Variants in AKAP12 observed in about 807,000 individuals in gnomAD.
AKAP12 encodes the protein A-kinase anchoring protein 12, also known as A-kinase anchor protein 12.
In AKAP12, 32 loss-of-function variants were observed where a neutral mutation model predicts 79.9. The ratio of observed to expected loss-of-function variants is 0.40; its 90% CI spans 0.30 to 0.54. AKAP12 has a LOEUF of 0.54. Ranked by LOEUF, AKAP12 falls within the 20% of genes least tolerant of loss-of-function variation. The pLI is 0.48. For missense variants in AKAP12, 2,074 were observed against 2,177.0 expected (o/e 0.95, Z 0.94); for synonymous variants, 808 against 857.0 (o/e 0.94, Z 1.00).
At chr6:151,337,508 T>A (rs1777845456) in intron 3 of AKAP12, among the ~76,000 whole-genome samples, 1 of 60,456 alleles carries the variant, frequency 1.7e-5, no homozygotes, top group African/African-American at 2.2e-4. Context: ...AGAGTTTCCG[T>A]CTCGAAAAAA....
chr6:151,268,502 A>C (rs1416620655), intron 2 of AKAP12, among the ~76,000 whole-genome samples: 1 of 152,234 alleles, frequency 6.6e-6, no homozygotes. Flanking sequence ...CAGCTATATA[A>C]AACTAGATTT....
chr6:151,339,681 C>T (rs1777899851), intron 3 of AKAP12, among the ~76,000 whole-genome samples: 1 of 152,164 alleles, frequency 6.6e-6, no homozygotes, highest in Non-Finnish European at 1.5e-5. Flanking sequence ...GTGTACCCAC[C>T]ATTACAGTGT....
chr6:151,285,190 A>G (rs1776475555), intron 2 of AKAP12, among the ~76,000 whole-genome samples: 1 of 152,242 alleles, frequency 6.6e-6, no homozygotes, highest in Non-Finnish European at 1.5e-5. Context: ...CCCAGAAGCA[A>G]TAACTGGAAA....
chr6:151,309,820 G>A lies in AKAP12; in HGVS notation c.319+3917G>A, dbSNP rs570586047. On this transcript the variant is annotated intron_variant, in intron 3 of 4. Coordinates refer to ENST00000402676, the MANE Select transcript of AKAP12 (RefSeq NM_005100.4). ...GCAGTCCCTTTCTTCTGAGCTTTGG[G>A]ATTTTCAGTTTATACAAACAGCTTA... 5.1e-3 allele frequency among the ~76,000 whole-genome samples: 772 copies of A among 152,148 alleles called. 1 individual carries two copies. The highest frequency in any genetic ancestry group is 0.02 in the Middle Eastern group (6 of 294).
intron 3 of AKAP12, among the ~76,000 whole-genome samples, chr6:151,345,469 T>TTTTG (rs398072905): frequency 6.0e-5 from 1 of 16,674 alleles, no homozygotes; most frequent in Non-Finnish European, 2.0e-4. Context: ...TTAATTGACC[T>TTTTG]GTTTAGTACA....
chr6:151,291,608 T>G (rs1474715), intron 2 of AKAP12, among the ~76,000 whole-genome samples: 138,911 of 152,164 alleles, frequency 0.91, 63,764 homozygotes, highest in East Asian at 1. Flanking sequence ...CTGCTTGTAT[T>G]CCGTGGCGCA....
At chr6:151,345,569 C>T (rs971262556) in intron 3 of AKAP12, among the ~76,000 whole-genome samples, 3 of 150,622 alleles carry the variant, frequency 2.0e-5, no homozygotes, top group Non-Finnish European at 4.4e-5. Context: ...CTGAGGTGGG[C>T]GGATCACCTG....
intron 3 of AKAP12, among the ~76,000 whole-genome samples, chr6:151,336,880 C>G (rs1777827356): frequency 6.6e-6 from 1 of 152,210 alleles, no homozygotes; most frequent in South Asian, 2.1e-4. Context: ...TGAGAAATGT[C>G]TAAGAACAGA....
chr6:151,327,807 A>G (rs1443197830), intron 3 of AKAP12, among the ~76,000 whole-genome samples: 3 of 152,192 alleles, frequency 2.0e-5, no homozygotes, highest in African/African-American at 7.2e-5. Context: ...GGTGTGGAGG[A>G]TATGGCAAAA....
intron 2 of AKAP12, among the ~76,000 whole-genome samples, chr6:151,241,482 CA>C (rs1796975599): frequency 1.3e-5 from 2 of 152,354 alleles, no homozygotes; most frequent in South Asian, 4.1e-4. Flanking sequence ...AGGATGGGGT[CA>C]GTGTAACGAG....
chr6:151,258,647 TA>T (rs1797348277), intron 2 of AKAP12, among the ~76,000 whole-genome samples: 1 of 152,166 alleles, frequency 6.6e-6, no homozygotes, highest in Admixed American at 6.6e-5. Context: ...TATTTTATTT[TA>T]TTAATTTATT....
chr6:151,317,836 C>T (rs1777270177), intron 3 of AKAP12, among the ~76,000 whole-genome samples: 1 of 152,210 alleles, frequency 6.6e-6, no homozygotes, highest in African/African-American at 2.4e-5. Flanking sequence ...GATTAGCATA[C>T]AGCCTTACAC....
intron 3 of AKAP12, among the ~76,000 whole-genome samples, chr6:151,344,952 C>T (rs1778049902): frequency 6.6e-6 from 1 of 152,042 alleles, no homozygotes; most frequent in African/African-American, 2.4e-5. Context: ...AAATTGTTTT[C>T]AGAGTAATAA....
chr6:151,345,883 A>ATG (rs1443694991), intron 3 of AKAP12, among the ~76,000 whole-genome samples: 3 of 110,000 alleles, frequency 2.7e-5, no homozygotes, highest in Non-Finnish European at 6.0e-5. Context: ...TATGTGAAGG[A>ATG]TGTGTGTGTA....
intron 2 of AKAP12, among the ~76,000 whole-genome samples, chr6:151,289,903 A>C (rs1269090812): frequency 1.3e-5 from 2 of 152,182 alleles, no homozygotes; most frequent in African/African-American, 4.8e-5. Flanking sequence ...CAAATCCTTC[A>C]GGTGTGGAAC....
chr6:151,240,798 T>A (rs1796957953), intron 2 of AKAP12, 74 bp downstream of exon 2: 2 of 956,616 alleles, frequency 2.1e-6, no homozygotes, highest in Non-Finnish European at 2.7e-6. Flanking sequence ...GGGGGGTCCC[T>A]CCGATTTCCG....
At chr6:151,348,572 G>A in intron 3 of AKAP12, 139 bp from the exon 4 acceptor site, 1 of 652,324 alleles carries the variant, frequency 1.5e-6, no homozygotes, top group Non-Finnish European at 2.6e-6. Flanking sequence ...CTGGGAGGTT[G>A]AGGCTGCAGT....
intron 2 of AKAP12, among the ~76,000 whole-genome samples, chr6:151,268,644 G>GT (rs1010745988): frequency 2.0e-5 from 3 of 151,982 alleles, no homozygotes; most frequent in East Asian, 1.9e-4. Context: ...GTTTGTTTGA[G>GT]TTTTTTTAAA....
At chr6:151,265,044 G>A (rs7769868) in intron 2 of AKAP12, among the ~76,000 whole-genome samples, 2,782 of 151,688 alleles carry the variant, frequency 0.018, 75 homozygotes, top group African/African-American at 0.064. Context: ...CCAGCTACTC[G>A]AGAGGCTGAG....
Sources: gnomAD v4.1 joint callset for allele counts (sites outside exome capture counted in the v4.1 genomes callset) on GRCh38, gnomAD v4.1.1 for gene constraint, MANE v1.5 for transcripts, NCBI Gene and HGNC (gene_info 2026-07-23, HGNC 2026-07-21) for gene names.